FCGR2B: variants seen among roughly 807,000 people sequenced by gnomAD.
The protein encoded by FCGR2B is Fc gamma receptor IIb.
Under a neutral mutation model 24.8 loss-of-function variants are expected in FCGR2B, and 18 were observed. That is an observed-to-expected ratio of 0.73 (90% CI 0.50 to 1.08). FCGR2B has a LOEUF of 1.08. FCGR2B is among the 50% of genes least tolerant of loss of function. FCGR2B has a pLI of 0.00. For synonymous variants in FCGR2B, 79 were observed against 109.8 expected (o/e 0.72, Z 1.75); for missense variants, 215 against 297.6 (o/e 0.72, Z 2.04).
intron 3 of FCGR2B, 123 bp downstream of exon 3, chr1:161,671,772 C>G (rs1681687603): frequency 1.2e-5 from 18 of 1,539,084 alleles, no homozygotes; most frequent in Non-Finnish European, 1.6e-5. Context: ...TGTGAGTTGC[C>G]TCAGCACATA....
intron 1 of FCGR2B, among the ~76,000 whole-genome samples, chr1:161,669,572 C>T (rs549396591): frequency 1.9e-5 from 2 of 104,282 alleles, no homozygotes; most frequent in East Asian, 4.8e-4. Flanking sequence ...CCTGTCCCCC[C>T]ACAAAATAAA....
the FCGR2B span, among the ~76,000 whole-genome samples, chr1:161,649,447 C>T: frequency 6.6e-6 from 1 of 151,036 alleles, no homozygotes; most frequent in Non-Finnish European, 1.5e-5. Flanking sequence ...TACAACTCTA[C>T]CCTGCTGTCA....
rs902450895 is a variant in FCGR2B, at chr1:161,671,428, A to G, written c.170A>G (p.Gln57Arg). Residue 57 changes from glutamine to arginine, a missense_variant, in exon 3 of 8, where the codon CAG becomes CGG. Coordinates refer to ENST00000358671, the MANE Select transcript of FCGR2B (RefSeq NM_001394477.1). ...PPKAVLKLEPQWINVLQEDSV... is the reference protein window; with the variant it reads ...PPKAVLKLEPRWINVLQEDSV... The stretch of plus-strand genomic sequence containing the variant: ...AAGGCTGTGCTGAAACTCGAGCCCC[A>G]GTGGATCAACGTGCTCCAGGAGGAC... The G allele has an allele frequency of 1.2e-6, 2 of 1,614,066 alleles. No individual in the cohort carries two copies. Among genetic ancestry groups the G allele is most frequent in the Non-Finnish European group, 1.7e-6 (2 of 1,180,012 alleles).
At chr1:161,647,865 C>T in the FCGR2B span, among the ~76,000 whole-genome samples, 2 of 150,910 alleles carry the variant, frequency 1.3e-5, no homozygotes, top group Non-Finnish European at 2.9e-5. Flanking sequence ...CACTGTGCTT[C>T]GTGTGTTCAT....
intron 6 of FCGR2B, chr1:161,676,899 G>T: frequency 1.0e-5 from 2 of 196,008 alleles, no homozygotes; most frequent in Non-Finnish European, 1.0e-5. Context: ...CAACAAAGAT[G>T]CACTACATTT....
intron 6 of FCGR2B, chr1:161,676,956 G>C: frequency 3.2e-6 from 1 of 315,314 alleles, no homozygotes; most frequent in Non-Finnish European, 5.8e-6. Flanking sequence ...GAAGTCTGTG[G>C]CCAGCAAAAA....
At chr1:161,675,081 A>T (rs72480273) in intron 5 of FCGR2B, 176 bp from the exon 6 acceptor site, 2 of 553,814 alleles carry the variant, frequency 3.6e-6, no homozygotes, top group Non-Finnish European at 6.5e-6. Context: ...CCTCTGGACC[A>T]GCCCTTTTCC....
At chr1:161,651,941 G>GAAATAAAATA in the FCGR2B span, among the ~76,000 whole-genome samples, 32 of 105,386 alleles carry the variant, frequency 3.0e-4, 2 homozygotes, top group East Asian at 3.5e-3. Flanking sequence ...CTCAAAAACT[G>GAAATAAAATA]AAATAAAATA....
At chr1:161,673,416 G>C (rs770874235) in intron 4 of FCGR2B, 187 bp downstream of exon 4, 1 of 763,888 alleles carries the variant, frequency 1.3e-6, no homozygotes, top group East Asian at 2.6e-5. Context: ...AGAGCTTGGA[G>C]CCCTCAGGTG....
chr1:161,651,825 T>C, the FCGR2B span, among the ~76,000 whole-genome samples: 1 of 124,750 alleles, frequency 8.0e-6, no homozygotes, highest in Non-Finnish European at 1.8e-5. Flanking sequence ...CCCAGCTAAT[T>C]GGGAGGGTGA....
intron 4 of FCGR2B, 36 bp downstream of exon 4, chr1:161,673,265 A>G (rs368967868): frequency 1.9e-6 from 3 of 1,580,948 alleles, no homozygotes; most frequent in African/African-American, 2.7e-5. Context: ...GGAGGGGAGA[A>G]GAGGGGATGG....
the FCGR2B span, among the ~76,000 whole-genome samples, chr1:161,652,984 C>T: frequency 7.4e-6 from 1 of 134,472 alleles, no homozygotes; most frequent in Non-Finnish European, 1.7e-5. Flanking sequence ...TATGTGCCTG[C>T]ACCTCAGAGA....
In FCGR2B at chr1:161,671,610, A is replaced by C. The variant is rs1571023487; in HGVS notation, c.352A>C (p.Thr118Pro). The change falls in exon 3 of 8, where the codon ACC becomes CCC. Residue 118 changes from threonine to proline, a missense_variant. Transcript: ENST00000358671. ...SGEYTCQTGQ[T>P]SLSDPVHLTV... ...GGAGTACACGTGCCAGACTGGCCAG[A>C]CCAGCCTCAGCGACCCTGTGCATCT... 3 of 1,613,994 alleles carry C rather than the reference A, an allele frequency of 1.9e-6. No homozygotes were observed. The highest frequency in any genetic ancestry group is 2.5e-6 in the Non-Finnish European group (3 of 1,179,884).
chr1:161,675,912 T>G (rs1682087588), intron 6 of FCGR2B: 1 of 232,858 alleles, frequency 4.3e-6, no homozygotes, highest in Non-Finnish European at 8.5e-6. Context: ...CAAGGTTGAC[T>G]GAATTTTGGC....
chr1:161,675,505 A>G, intron 6 of FCGR2B, 192 bp downstream of exon 6: 1 of 472,358 alleles, frequency 2.1e-6, no homozygotes. Context: ...ACCTCTCTGG[A>G]GATGAGAAGA....
intron 3 of FCGR2B, 37 bp from the exon 4 acceptor site, chr1:161,672,938 A>T (rs1681799708): frequency 6.2e-7 from 1 of 1,612,000 alleles, no homozygotes; most frequent in South Asian, 1.1e-5. Flanking sequence ...CTGAGCCAAG[A>T]CCTCCCGGGT....
chr1:161,661,210 GAAAGAAAGAAAGAA>G (rs1436862959), upstream of FCGR2B, among the ~76,000 whole-genome samples: 15 of 78,638 alleles, frequency 1.9e-4, no homozygotes, highest in African/African-American at 8.6e-4. Context: ...AAGAAAGAAA[GAAAGAAAGAAAGAA>G]AGAAAGAAAG....
chr1:161,654,571 T>C, the FCGR2B span, among the ~76,000 whole-genome samples: 1 of 133,500 alleles, frequency 7.5e-6, no homozygotes, highest in Non-Finnish European at 1.7e-5. Context: ...TTTCATGAGC[T>C]CTGGTGGAGG....
chr1:161,650,093 C>T, the FCGR2B span, among the ~76,000 whole-genome samples: 2 of 150,186 alleles, frequency 1.3e-5, no homozygotes, highest in African/African-American at 4.9e-5. Flanking sequence ...CTGCACCCTC[C>T]ATCTCTCAGG....
Sources: allele counts gnomAD v4.1 joint callset (sites outside exome capture counted in the v4.1 genomes callset), GRCh38; gene constraint gnomAD v4.1.1; transcripts MANE v1.5; gene names NCBI Gene and HGNC (gene_info 2026-07-23, HGNC 2026-07-21).